C19orf38: variants seen among roughly 807,000 people sequenced by gnomAD.
C19orf38 encodes the protein protein HIDE1.
Under a neutral mutation model 26.6 loss-of-function variants are expected in C19orf38, and 14 were observed. That is an observed-to-expected ratio of 0.53 (90% CI 0.35 to 0.82). C19orf38 has a LOEUF of 0.82. Ranked by LOEUF, C19orf38 falls within the 40% of genes least tolerant of loss-of-function variation. The pLI is 0.01. For synonymous variants in C19orf38, 132 were observed against 128.5 expected (o/e 1.03, Z -0.18); for missense variants, 261 against 299.5 (o/e 0.87, Z 0.95).
chr19:10,860,137 A>G, intron 5 of C19orf38, 179 bp downstream of exon 5: 5 of 640,120 alleles, frequency 7.8e-6, no homozygotes, highest in Non-Finnish European at 1.4e-5. Context: ...CTTAACCTAA[A>G]GGTCACCTCC....
intron 5 of C19orf38, among the ~76,000 whole-genome samples, chr19:10,861,705 G>A (rs933423028): frequency 1.3e-5 from 2 of 152,058 alleles, no homozygotes; most frequent in African/African-American, 4.8e-5. Context: ...AGCCTCCCGA[G>A]TAGCTGGGAT....
Position 10,866,336 on chromosome 19 carries a change from G to A in C19orf38, c.544-2882G>A, listed in dbSNP as rs568827039. On this transcript the variant is annotated intron_variant, in intron 6 of 6. Coordinates refer to ENST00000397820, the MANE Select transcript of C19orf38 (RefSeq NM_001136482.3). Reference sequence around the variant, plus strand: ...CTGCCGAGTAGCTGGGATTACAGGCGAGCGCCAGCATGCCCAGCTAATTTT... The same window carrying A: ...CTGCCGAGTAGCTGGGATTACAGGCAAGCGCCAGCATGCCCAGCTAATTTT... Among the ~76,000 whole-genome samples, 3 of 150,388 alleles carry A rather than the reference G, an allele frequency of 2.0e-5. No homozygotes were observed. In the Admixed American group the frequency reaches 2.0e-4, roughly 10 times the overall value.
At chr19:10,858,240 A>AC in intron 3 of C19orf38, 76 bp from the exon 4 acceptor site, 2 of 1,198,090 alleles carry the variant, frequency 1.7e-6, no homozygotes, top group Admixed American at 2.9e-5. Flanking sequence ...AAAAAAAAAA[A>AC]AAAAAAAAAA....
chr19:10,844,503 G>T (rs2073501623), upstream of C19orf38, among the ~76,000 whole-genome samples: 1 of 151,414 alleles, frequency 6.6e-6, no homozygotes, highest in Admixed American at 6.6e-5. Flanking sequence ...TTGAGCTCAG[G>T]AGTTCATGAC....
At chr19:10,858,151 C>G (rs2073649551) in intron 3 of C19orf38, among the ~76,000 whole-genome samples, 165 bp from the exon 4 acceptor site, 1 of 144,738 alleles carries the variant, frequency 6.9e-6, no homozygotes, top group African/African-American at 2.6e-5. Context: ...TTGCTTAAAT[C>G]CAGGAGGCAG....
chr19:10,862,915 G>A (rs1455137290), intron 5 of C19orf38, among the ~76,000 whole-genome samples: 1 of 151,294 alleles, frequency 6.6e-6, no homozygotes, highest in African/African-American at 2.4e-5. Flanking sequence ...CTTCTGGAAG[G>A]CCTGAGATAA....
chr19:10,851,719 A>G (rs185835019), intron 2 of C19orf38, among the ~76,000 whole-genome samples: 13 of 152,124 alleles, frequency 8.5e-5, no homozygotes, highest in Non-Finnish European at 1.3e-4. Context: ...CTGTAATCCC[A>G]GCACTTTGGG....
intron 3 of C19orf38, among the ~76,000 whole-genome samples, chr19:10,857,894 A>AAAAGAAAGAAAGAAAGAAAG (rs111685154): frequency 1.4e-3 from 198 of 142,526 alleles, no homozygotes; most frequent in Non-Finnish European, 2.0e-3. Context: ...AAACAACAAA[A>AAAAGAAAGAAAGAAAGAAAG]AAAGAAAGAA....
rs1005233982 is a variant in C19orf38, at chr19:10,859,833, G to A, written c.462-82G>A. 4.5e-6 allele frequency: 6 copies of A among 1,331,924 alleles called. No individual in the cohort carries two copies. The African/African-American group carries it at 8.8e-5, about 19-fold the overall frequency. The allele number at this position is 1,331,924 out of a possible 1,614,324, so 82.5% of individuals were successfully genotyped here. ...AAAGGCTACATTTTGGGTGTGGTTTGGGGCCAGGGCTTTCCCGATCAAGCC... is the reference window on the plus strand; with the variant it reads ...AAAGGCTACATTTTGGGTGTGGTTTAGGGCCAGGGCTTTCCCGATCAAGCC... On this transcript the variant is annotated intron_variant, in intron 4 of 6. Coordinates refer to ENST00000397820, the MANE Select transcript of C19orf38 (RefSeq NM_001136482.3).
At chr19:10,848,387 ACT>A (rs1568333178), upstream of C19orf38, 7 of 1,085,858 alleles carry the variant, frequency 6.4e-6, no homozygotes, top group Non-Finnish European at 8.2e-6. Flanking sequence ...CAGTGAGGAA[ACT>A]CTCAGCTCGA....
chr19:10,859,244 A>G (rs1484847289), intron 4 of C19orf38, among the ~76,000 whole-genome samples: 59 of 119,432 alleles, frequency 4.9e-4, no homozygotes, highest in South Asian at 1.8e-3. Context: ...GCTTTTATAT[A>G]TGTGTGTGTG....
chr19:10,849,609 A>G (rs1160608101), intron 1 of C19orf38, among the ~76,000 whole-genome samples: 1 of 152,180 alleles, frequency 6.6e-6, no homozygotes, highest in Non-Finnish European at 1.5e-5. Context: ...TTAGCCAGGC[A>G]TGGTGGCACA....
chr19:10,842,686 A>G (rs1007054872), intron 1 of C19orf38, among the ~76,000 whole-genome samples: 1 of 152,128 alleles, frequency 6.6e-6, no homozygotes, highest in East Asian at 1.9e-4. Flanking sequence ...GCAGTGAGCC[A>G]TGATTGCACT....
intron 4 of C19orf38, 131 bp downstream of exon 4, chr19:10,858,474 C>A: frequency 1.2e-6 from 1 of 864,862 alleles, no homozygotes; most frequent in Non-Finnish European, 1.8e-6. Context: ...GGAACAGGAG[C>A]CATTTATTAA....
intron 6 of C19orf38, among the ~76,000 whole-genome samples, chr19:10,865,876 C>G (rs1030611617): frequency 1.1e-4 from 16 of 151,860 alleles, no homozygotes; most frequent in African/African-American, 3.9e-4. Context: ...GCAGGGGCAC[C>G]ATCATAGCTC....
At chr19:10,842,349 C>T (rs1599654358) in intron 1 of C19orf38, 1 of 587,302 alleles carries the variant, frequency 1.7e-6, no homozygotes, top group East Asian at 3.0e-5. Flanking sequence ...CAAGCTCCGC[C>T]TCCCGGGTTC....
At position 10,856,271 on chromosome 19, in the gene C19orf38, C is replaced by G. The variant is rs1043928821; in HGVS notation, c.347C>G (p.Thr116Ser). The G allele has an allele frequency of 3.2e-6, 5 of 1,550,844 alleles. No individual in the cohort carries two copies. Among genetic ancestry groups the G allele is most frequent in the Non-Finnish European group, 3.5e-6 (4 of 1,146,270 alleles). Residue 116 changes from threonine (T) to serine (S), a missense_variant, in exon 3 of 7, where the codon ACT becomes AGT. Transcript: ENST00000397820. ...EPVNVSFPVP[T>S]WILVLSLSLA... The stretch of plus-strand genomic sequence containing the variant: ...TTTTCTGATTTTCCTCCAGTGCCCA[C>G]TTGGATCTTGGTGCTCTCCCTGAGC...
Position 10,869,624 on chromosome 19 carries a change from A to C in C19orf38, c.*257A>C, listed in dbSNP as rs1207509868. Reference sequence around the variant, plus strand: ...GACCACCAGAGAAGGAGATGTCAGGACCCCTTCTTGTCCCCCAGCTGGGCC... The same window carrying C: ...GACCACCAGAGAAGGAGATGTCAGGCCCCCTTCTTGTCCCCCAGCTGGGCC... On this transcript the variant is annotated 3_prime_UTR_variant, in exon 7 of 7. Coordinates refer to ENST00000397820, the MANE Select transcript of C19orf38 (RefSeq NM_001136482.3). 1 of 479,580 alleles carries C rather than the reference A, an allele frequency of 2.1e-6. No homozygotes were observed. 29.7% of individuals were successfully genotyped at this position (479,580 alleles called of 1,614,324 possible). A position where few individuals can be genotyped will look rare whatever the true frequency, so the allele number is the denominator to read the frequency against.
chr19:10,866,849 C>T (rs1009333819), intron 6 of C19orf38, among the ~76,000 whole-genome samples: 3 of 152,048 alleles, frequency 2.0e-5, no homozygotes, highest in Non-Finnish European at 4.4e-5. Flanking sequence ...CCATGTTGGC[C>T]TGGCTCGTCT....
Sources: allele counts gnomAD v4.1 joint callset (sites outside exome capture counted in the v4.1 genomes callset), GRCh38; gene constraint gnomAD v4.1.1; transcripts MANE v1.5; gene names NCBI Gene and HGNC (gene_info 2026-07-23, HGNC 2026-07-21).